INPP4B: variants seen among roughly 807,000 people sequenced by gnomAD.
The protein encoded by INPP4B is inositol polyphosphate-4-phosphatase type II B.
Under a neutral mutation model 122.5 loss-of-function variants are expected in INPP4B, and 55 were observed. The ratio of observed to expected loss-of-function variants is 0.45; its 90% confidence interval spans 0.36 to 0.56. INPP4B has a LOEUF of 0.56. Ranked by LOEUF, INPP4B falls within the 20% of genes least tolerant of loss-of-function variation. INPP4B has a pLI of 0.00. For synonymous variants in INPP4B, 403 were observed against 388.7 expected, an observed-to-expected ratio of 1.04 and a Z score of -0.43; for missense variants, 1,000 against 1,097.7, an observed-to-expected ratio of 0.91 and a Z score of 1.26.
At chr4:142,609,950 G>A (rs1364562988) in intron 2 of INPP4B, among the ~76,000 whole-genome samples, 1 of 152,140 alleles carries the variant, frequency 6.6e-6, no homozygotes, top group East Asian at 1.9e-4. Context: ...AATTTGCACT[G>A]GTGGATATGG....
chr4:142,393,469 T>A (rs759669526), intron 7 of INPP4B, among the ~76,000 whole-genome samples: 8 of 152,224 alleles, frequency 5.3e-5, no homozygotes, highest in Non-Finnish European at 1.0e-4. Flanking sequence ...GCTCCCACCT[T>A]TGCAAAACTC....
At chr4:142,613,094 C>T (rs1742920128) in intron 2 of INPP4B, among the ~76,000 whole-genome samples, 1 of 152,138 alleles carries the variant, frequency 6.6e-6, no homozygotes, top group South Asian at 2.1e-4. Context: ...TGCTTTGTAC[C>T]ACGAGGGAGC....
At chr4:142,052,350 A>T (rs1755102150) in intron 25 of INPP4B, among the ~76,000 whole-genome samples, 1 of 152,056 alleles carries the variant, frequency 6.6e-6, no homozygotes, top group South Asian at 2.1e-4. Context: ...ATTCCCTAAG[A>T]ATTACTTAAA....
chr4:142,460,664 C>A (rs1031373713), intron 3 of INPP4B, among the ~76,000 whole-genome samples: 1 of 152,086 alleles, frequency 6.6e-6, no homozygotes, highest in Non-Finnish European at 1.5e-5. Context: ...ATGAAACAAG[C>A]CGTTTTGTCT....
chr4:142,833,825 CT>C (rs1387309295), intron 1 of INPP4B, among the ~76,000 whole-genome samples: 1 of 152,116 alleles, frequency 6.6e-6, no homozygotes, highest in East Asian at 1.9e-4. Flanking sequence ...GTGAACAAAA[CT>C]GCCATTCCTA....
At chr4:142,629,232 T>C (rs112960910) in intron 2 of INPP4B, among the ~76,000 whole-genome samples, 103 of 152,056 alleles carry the variant, frequency 6.8e-4, no homozygotes, top group African/African-American at 2.4e-3. Flanking sequence ...TATTGAATGA[T>C]CATTGAGCTG....
intron 7 of INPP4B, among the ~76,000 whole-genome samples, chr4:142,330,957 T>C (rs906973373): frequency 1.9e-4 from 29 of 152,204 alleles, no homozygotes; most frequent in African/African-American, 7.0e-4. Context: ...CATAAATTTG[T>C]CCTATCAAAA....
intron 1 of INPP4B, among the ~76,000 whole-genome samples, chr4:142,845,354 C>T (rs1307954077): frequency 6.6e-6 from 1 of 152,146 alleles, no homozygotes; most frequent in Non-Finnish European, 1.5e-5. Context: ...CAGCCTGAAA[C>T]TACATTCAGG....
intron 2 of INPP4B, among the ~76,000 whole-genome samples, chr4:142,522,284 G>C (rs993370928): frequency 1.3e-5 from 2 of 151,096 alleles, no homozygotes; most frequent in African/African-American, 4.9e-5. Context: ...ATCTACTATT[G>C]TGTCATGTAG....
intron 17 of INPP4B, among the ~76,000 whole-genome samples, chr4:142,151,494 T>C (rs1001412066): frequency 6.6e-6 from 1 of 152,206 alleles, no homozygotes; most frequent in Non-Finnish European, 1.5e-5. Flanking sequence ...TGGCCTTATC[T>C]GGGAAAGGAA....
chr4:142,086,293 G>T (rs1341316528), intron 23 of INPP4B, 37 bp from the exon 24 acceptor site: 1 of 1,170,308 alleles, frequency 8.5e-7, no homozygotes, highest in South Asian at 1.2e-5. Flanking sequence ...AATAAAATGA[G>T]ACAGTGTTCA....
chr4:142,805,825 T>A (rs1424270672), intron 1 of INPP4B, among the ~76,000 whole-genome samples: 1 of 152,186 alleles, frequency 6.6e-6, no homozygotes, highest in Non-Finnish European at 1.5e-5. Context: ...GGCTATTAGT[T>A]GTTGTTTTTG....
At chr4:142,266,556 T>C (rs1240460124) in intron 10 of INPP4B, among the ~76,000 whole-genome samples, 5 of 152,170 alleles carry the variant, frequency 3.3e-5, no homozygotes, top group Non-Finnish European at 5.9e-5. Flanking sequence ...AAATCAAACA[T>C]GCTCCAAGAT....
At chr4:142,198,301 G>A (rs1406816166) in intron 14 of INPP4B, among the ~76,000 whole-genome samples, 1 of 151,862 alleles carries the variant, frequency 6.6e-6, no homozygotes, top group Non-Finnish European at 1.5e-5. Context: ...TAGAATTGAT[G>A]TAATTCTTAT....
intron 7 of INPP4B, among the ~76,000 whole-genome samples, chr4:142,388,788 G>C (rs547684249): frequency 2.6e-5 from 4 of 152,146 alleles, no homozygotes; most frequent in Non-Finnish European, 5.9e-5. Flanking sequence ...CACAGTAAAA[G>C]AATTGCACTA....
intron 1 of INPP4B, among the ~76,000 whole-genome samples, chr4:142,726,480 T>G (rs1765365097): frequency 1.3e-5 from 2 of 152,192 alleles, no homozygotes; most frequent in Admixed American, 1.3e-4. Flanking sequence ...GGAAAGTACT[T>G]TATCGAAGTC....
At chr4:142,218,725 G>T (rs986504799) in intron 12 of INPP4B, among the ~76,000 whole-genome samples, 2 of 152,074 alleles carry the variant, frequency 1.3e-5, no homozygotes, top group Non-Finnish European at 2.9e-5. Flanking sequence ...ACTACACATG[G>T]TATGCATGGG....
At chr4:142,642,002 T>C (rs1319924583) in intron 2 of INPP4B, among the ~76,000 whole-genome samples, 1 of 152,234 alleles carries the variant, frequency 6.6e-6, no homozygotes, top group Non-Finnish European at 1.5e-5. Flanking sequence ...TTGATTTGCA[T>C]TTCTCTGATG....
Position 142,423,964 on chromosome 4 carries a change from T to C in INPP4B, c.136+5209A>G, listed in dbSNP as rs1285169942. On this transcript the variant is annotated intron_variant, in intron 5 of 25. Coordinates refer to ENST00000262992, the MANE Select transcript of INPP4B (RefSeq NM_001101669.3). ...ATACAAGATGGCGGGCCTTTCTATA[T>C]GTAGCTTGTATAATAAATAATGATT... 17 of 319,670 alleles carry C rather than the reference T, an allele frequency of 5.3e-5. No homozygotes were observed. The East Asian group carries it at 1.1e-3, about 20-fold the overall frequency. 19.8% of individuals were successfully genotyped at this position (319,670 alleles called of 1,614,324 possible). A position where few individuals can be genotyped will look rare whatever the true frequency, so the allele number is the denominator to read the frequency against.
Sources: gnomAD v4.1 joint callset for allele counts (sites outside exome capture counted in the v4.1 genomes callset) on GRCh38, gnomAD v4.1.1 for gene constraint, MANE v1.5 for transcripts, NCBI Gene and HGNC (gene_info 2026-07-23, HGNC 2026-07-21) for gene names.